SYNDIG1: variants seen among roughly 807,000 people sequenced by gnomAD.
SYNDIG1 encodes synapse differentiation inducing 1.
In SYNDIG1, 9 loss-of-function variants were observed where a neutral mutation model predicts 19.4. That is an observed-to-expected ratio of 0.46 (90% CI 0.28 to 0.81). The LOEUF (loss-of-function observed/expected upper bound fraction) is 0.81. Among genes scored for constraint, SYNDIG1 ranks in the 30% least tolerant of loss-of-function variants. The pLI is 0.12. For missense variants in SYNDIG1, 311 were observed against 343.3 expected, an observed-to-expected ratio of 0.91 and a Z score of 0.74; for synonymous variants, 141 against 145.9, an observed-to-expected ratio of 0.97 and a Z score of 0.24.
chr20:24,556,240 G>T (rs1396186340), intron 2 of SYNDIG1, among the ~76,000 whole-genome samples: 1 of 152,162 alleles, frequency 6.6e-6, no homozygotes, highest in Non-Finnish European at 1.5e-5. Flanking sequence ...GCACACTGAT[G>T]GGTCTTGACT....
chr20:24,627,046 G>A (rs2059155198), intron 3 of SYNDIG1, among the ~76,000 whole-genome samples: 2 of 151,904 alleles, frequency 1.3e-5, no homozygotes, highest in Admixed American at 1.3e-4. Context: ...GCTTCGGCTC[G>A]GCATGAGAGG....
intron 2 of SYNDIG1, among the ~76,000 whole-genome samples, chr20:24,584,195 C>A (rs956328554): frequency 6.6e-6 from 1 of 152,168 alleles, no homozygotes; most frequent in African/African-American, 2.4e-5. Context: ...CTCACAGGGC[C>A]ATCCTCTGCT....
chr20:24,489,979 G>T (rs1016589928), intron 1 of SYNDIG1, among the ~76,000 whole-genome samples: 1 of 152,228 alleles, frequency 6.6e-6, no homozygotes, highest in Non-Finnish European at 1.5e-5. Context: ...TGCCATCTGT[G>T]TGTGGCCCCC....
intron 2 of SYNDIG1, among the ~76,000 whole-genome samples, chr20:24,579,268 T>TGGGCA (rs2058283422): frequency 6.6e-6 from 1 of 152,138 alleles, no homozygotes; most frequent in East Asian, 1.9e-4. Flanking sequence ...TTATCACAAG[T>TGGGCA]GATGGCAAGA....
At chr20:24,649,560 C>G (rs1168802116) in intron 3 of SYNDIG1, among the ~76,000 whole-genome samples, 1 of 152,152 alleles carries the variant, frequency 6.6e-6, no homozygotes, top group Admixed American at 6.5e-5. Context: ...ACAAAGCTTA[C>G]TCGCTGGTTT....
intron 3 of SYNDIG1, among the ~76,000 whole-genome samples, chr20:24,648,599 C>A (rs1304498750): frequency 6.6e-6 from 1 of 152,222 alleles, no homozygotes; most frequent in Non-Finnish European, 1.5e-5. Flanking sequence ...AGGGAGGTTC[C>A]CCAGGGAGAG....
intron 3 of SYNDIG1, among the ~76,000 whole-genome samples, chr20:24,652,665 A>G (rs1046698390): frequency 3.9e-5 from 6 of 152,220 alleles, no homozygotes; most frequent in African/African-American, 9.6e-5. Context: ...CTTGGCACTC[A>G]TGGCTCTAAC....
chr20:24,665,640 G>C lies in SYNDIG1; in HGVS notation c.*136G>C. ...GAAGCCCTGGGATTTCCTACCCATG[G>C]ATTTATTTTGTTTTTATCCTTTAAT... On this transcript the variant is annotated 3_prime_UTR_variant, in exon 4 of 4. Coordinates refer to ENST00000376862, the MANE Select transcript of SYNDIG1 (RefSeq NM_024893.3). 7.7e-7 allele frequency: 1 copy of C among 1,297,958 alleles called. No individual in the cohort carries two copies. The highest frequency in any genetic ancestry group is 1.1e-6 in the Non-Finnish European group (1 of 947,266). The allele number at this position is 1,297,958 out of a possible 1,614,324, so 80.4% of individuals were successfully genotyped here.
intron 1 of SYNDIG1, among the ~76,000 whole-genome samples, chr20:24,475,533 A>G (rs548855077): frequency 2.0e-4 from 31 of 152,306 alleles, no homozygotes; most frequent in African/African-American, 7.5e-4. Flanking sequence ...TGTGATAGGT[A>G]GTGTGCGTGG....
At chr20:24,564,572 CG>C (rs1311401375) in intron 2 of SYNDIG1, among the ~76,000 whole-genome samples, 2 of 151,772 alleles carry the variant, frequency 1.3e-5, no homozygotes, top group African/African-American at 4.8e-5. Context: ...AAAAGAGGTG[CG>C]TTATTTGTTG....
At chr20:24,475,508 T>C (rs2055593303) in intron 1 of SYNDIG1, among the ~76,000 whole-genome samples, 1 of 152,164 alleles carries the variant, frequency 6.6e-6, no homozygotes, top group South Asian at 2.1e-4. Flanking sequence ...AGTAGGGCAG[T>C]TGAAAGAGTT....
intron 3 of SYNDIG1, among the ~76,000 whole-genome samples, chr20:24,629,641 C>T (rs1394623311): frequency 1.3e-5 from 2 of 152,078 alleles, no homozygotes; most frequent in Non-Finnish European, 2.9e-5. Flanking sequence ...ACTGCCTGTG[C>T]CACGCCGTGC....
rs2057004989 is a variant in SYNDIG1 at position 24,521,615 on chromosome 20, T to G, written c.-78-21405T>G. On this transcript the variant is annotated intron_variant, in intron 1 of 3. Coordinates refer to ENST00000376862, the MANE Select transcript of SYNDIG1 (RefSeq NM_024893.3). Reference sequence around the variant, plus strand: ...GCATATTTAAAATTTAAGTAGTACCTCGCCACACACAGTGGCTCACACGTG... The same window carrying G: ...GCATATTTAAAATTTAAGTAGTACCGCGCCACACACAGTGGCTCACACGTG... 2.6e-5 allele frequency among the ~76,000 whole-genome samples: 4 copies of G among 152,104 alleles called. No individual in the cohort carries two copies. In the South Asian group the frequency reaches 8.3e-4, roughly 32 times the overall value.
intron 3 of SYNDIG1, among the ~76,000 whole-genome samples, chr20:24,602,590 T>C (rs1017444653): frequency 6.6e-6 from 1 of 152,242 alleles, no homozygotes; most frequent in African/African-American, 2.4e-5. Flanking sequence ...ACACCTCTTA[T>C]GGTCAGCAAA....
At chr20:24,557,895 G>C (rs2057857768) in intron 2 of SYNDIG1, among the ~76,000 whole-genome samples, 1 of 152,226 alleles carries the variant, frequency 6.6e-6, no homozygotes. Context: ...AGGAGCTGTA[G>C]ACCGGAGCTG....
At position 24,640,378 on chromosome 20, in the gene SYNDIG1, A is replaced by C. The variant is rs961317384; in HGVS notation, c.619-24968A>C. Among the ~76,000 whole-genome samples the C allele has an allele frequency of 2.0e-5, 3 of 148,888 alleles. No homozygotes were observed. The Admixed American group carries it at 2.0e-4, about 10-fold the overall frequency. On this transcript the variant is annotated intron_variant, in intron 3 of 3. Coordinates refer to ENST00000376862, the MANE Select transcript of SYNDIG1 (RefSeq NM_024893.3). ...GCGAGAGAGAGAGAGAGAGGAAGGG[A>C]GGAAGGGAGGGAGAAAAAGAAAAGA...
At chr20:24,490,951 C>G (rs1044476977) in intron 1 of SYNDIG1, among the ~76,000 whole-genome samples, 5 of 152,280 alleles carry the variant, frequency 3.3e-5, no homozygotes, top group African/African-American at 1.2e-4. Context: ...CATTTTAGAG[C>G]CCAGCGGCAG....
At chr20:24,565,438 G>A (rs1445804338) in intron 2 of SYNDIG1, among the ~76,000 whole-genome samples, 2 of 152,222 alleles carry the variant, frequency 1.3e-5, no homozygotes. Context: ...TGCTGGGACA[G>A]GATGGGGGAC....
intron 3 of SYNDIG1, among the ~76,000 whole-genome samples, chr20:24,615,840 C>T (rs892913677): frequency 8.0e-5 from 12 of 150,388 alleles, no homozygotes; most frequent in East Asian, 2.0e-4. Context: ...CTCCCCCACC[C>T]GCCCCTCTCT....
Sources: allele counts gnomAD v4.1 joint callset (sites outside exome capture counted in the v4.1 genomes callset), GRCh38; gene constraint gnomAD v4.1.1; transcripts MANE v1.5; gene names NCBI Gene and HGNC (gene_info 2026-07-23, HGNC 2026-07-21).